The following CEP162 variants were observed in gnomAD, a reference collection of about 807,000 sequenced individuals.
CEP162 encodes the protein centrosomal protein 162.
A neutral mutation model predicts 169.2 loss-of-function variants in CEP162; 141 were observed. The ratio of observed to expected loss-of-function variants is 0.83; its 90% CI spans 0.73 to 0.96. The LOEUF is 0.96. Among genes scored for constraint, CEP162 ranks in the 40% least tolerant of loss-of-function variants. The pLI is 0.00. For missense variants in CEP162, 1,600 were observed against 1,587.2 expected, an observed-to-expected ratio of 1.01 and a Z score of -0.14; for synonymous variants, 540 against 526.4, an observed-to-expected ratio of 1.03 and a Z score of -0.35.
At chr6:84,199,940 T>C (rs2099543770) in intron 9 of CEP162, among the ~76,000 whole-genome samples, 1 of 152,178 alleles carries the variant, frequency 6.6e-6, no homozygotes, top group Admixed American at 6.5e-5. Context: ...TTTTTACCTA[T>C]GAGAGAGTTC....
At chr6:84,226,936 T>C (rs1429422700) in intron 1 of CEP162, among the ~76,000 whole-genome samples, 1 of 152,242 alleles carries the variant, frequency 6.6e-6, no homozygotes, top group Non-Finnish European at 1.5e-5. Flanking sequence ...AAGCAGACTG[T>C]ATCCAGATAC....
intron 6 of CEP162, among the ~76,000 whole-genome samples, chr6:84,209,373 CTTT>C (rs369112037): frequency 7.0e-6 from 1 of 143,444 alleles, no homozygotes; most frequent in African/African-American, 2.5e-5. Flanking sequence ...ATTATAGCTA[CTTT>C]TTTTTTTTTT....
At position 84,159,518 on chromosome 6, in the gene CEP162, ATTAT is replaced by A. The variant is rs761483265; in HGVS notation, c.2781+1290_2781+1293del. Among the ~76,000 whole-genome samples the A allele has an allele frequency of 2.1e-4, 16 of 76,212 alleles. 1 individual carries two copies. The highest frequency in any genetic ancestry group is 4.6e-4 in the Admixed American group (3 of 6,496). 50.0% of individuals were successfully genotyped at this position (76,212 alleles called of 152,430 possible). ...TATTTCTAGTTCTTTTTTAAAATTA[ATTAT>A]TTATATATATATATATATATATATA... On this transcript the variant is annotated intron_variant, in intron 21 of 26. Transcript: ENST00000403245.
At chr6:84,211,534 A>G (rs2099549485) in intron 6 of CEP162, among the ~76,000 whole-genome samples, 1 of 149,924 alleles carries the variant, frequency 6.7e-6, no homozygotes, top group Admixed American at 6.6e-5. Context: ...CTCAAAAAAA[A>G]AAAAAAAAAA....
intron 19 of CEP162, among the ~76,000 whole-genome samples, chr6:84,162,444 A>G (rs1043680742): frequency 2.0e-5 from 3 of 152,276 alleles, no homozygotes; most frequent in Admixed American, 6.5e-5. Context: ...TTCTCTGCAC[A>G]TATCTTACAC....
chr6:84,215,479 A>G lies in CEP162; in HGVS notation c.320-14T>C. On this transcript the variant is annotated splice_polypyrimidine_tract_variant and intron_variant, in intron 4 of 26. Coordinates refer to ENST00000403245, the MANE Select transcript of CEP162 (RefSeq NM_014895.4). Reference sequence around the variant, plus strand: ...AAACTACTAGTTCTAAATGGAAAGCACAAATATATTTTAGTAATATACAGA... The same window carrying G: ...AAACTACTAGTTCTAAATGGAAAGCGCAAATATATTTTAGTAATATACAGA... 6.5e-7 allele frequency: 1 copy of G among 1,534,520 alleles called. No individual in the cohort carries two copies. The highest frequency in any genetic ancestry group is 8.8e-7 in the Non-Finnish European group (1 of 1,141,560).
At position 84,226,385 on chromosome 6, in the gene CEP162, G is replaced by T; in HGVS notation, c.9C>A (p.Asn3Lys). 6.4e-7 allele frequency: 1 copy of T among 1,568,376 alleles called. No individual in the cohort carries two copies. The highest frequency in any genetic ancestry group is 8.7e-7 in the Non-Finnish European group (1 of 1,153,826). The stretch of plus-strand genomic sequence containing the variant: ...CTTCATCTAGCTCTTCTTGGGAACA[G>T]TTAGCCATAGTCAACAATTTTGACC... MA[N>K]CSQEELDEEF... The change falls in exon 2 of 27, where the codon AAC becomes AAA. Residue 3 changes from asparagine to lysine, a missense_variant. Physicochemically the swap from Asn to Lys is moderately conservative, Grantham distance 94. Transcript: ENST00000403245.
At chr6:84,146,418 A>T (rs556352147) in intron 25 of CEP162, among the ~76,000 whole-genome samples, 22 of 152,050 alleles carry the variant, frequency 1.4e-4, no homozygotes, top group African/African-American at 5.3e-4. Context: ...TGAAGAAAAC[A>T]AACAGAAAAC....
chr6:84,171,517 A>C, intron 17 of CEP162, 89 bp downstream of exon 17: 2 of 482,542 alleles, frequency 4.1e-6, no homozygotes, highest in Non-Finnish European at 7.1e-6. Flanking sequence ...TACTATGTCT[A>C]AGTAAAAATA....
At chr6:84,191,159 A>G (rs2099539720) in intron 11 of CEP162, among the ~76,000 whole-genome samples, 1 of 152,008 alleles carries the variant, frequency 6.6e-6, no homozygotes, top group Non-Finnish European at 1.5e-5. Flanking sequence ...CCTGTTCAAA[A>G]GAAAAAAAAA....
chr6:84,201,094 C>G (rs563527675), intron 8 of CEP162, among the ~76,000 whole-genome samples, 189 bp from the exon 9 acceptor site: 1 of 152,056 alleles, frequency 6.6e-6, no homozygotes, highest in South Asian at 2.1e-4. Context: ...CTGGCTAACA[C>G]GGTGAAACCC....
intron 25 of CEP162, among the ~76,000 whole-genome samples, chr6:84,127,044 C>T (rs763057546): frequency 6.6e-6 from 1 of 152,116 alleles, no homozygotes; most frequent in South Asian, 2.1e-4. Flanking sequence ...TAATGAAGTA[C>T]TGAGCCCTTT....
chr6:84,157,631 C>T (rs568397040), intron 21 of CEP162, among the ~76,000 whole-genome samples: 26 of 152,094 alleles, frequency 1.7e-4, no homozygotes, highest in Admixed American at 2.0e-4. Context: ...GCCAGGATCG[C>T]GCTCCAGCCT....
intron 2 of CEP162, among the ~76,000 whole-genome samples, chr6:84,225,191 T>A (rs548916857): frequency 6.6e-6 from 1 of 152,314 alleles, no homozygotes; most frequent in African/African-American, 2.4e-5. Flanking sequence ...TGGGGATATG[T>A]TCTGAGAAAT....
rs758105941 is a variant in CEP162, at chr6:84,174,865, C to T, written c.1887G>A (p.Ala629=). 7.0e-5 allele frequency: 112 copies of T among 1,610,174 alleles called. No homozygotes were observed. The highest frequency in any genetic ancestry group is 2.9e-4 in the African/African-American group (22 of 74,918). Residue 629 remains alanine (A), a synonymous_variant, in exon 15 of 27, where the codon GCG becomes GCA. Transcript: ENST00000403245. ...CTTTAATTTGCTCAATTAGGGCTTG[C>T]GCACCCCTCCATTTATCCTCTGCTT... The part of the protein sequence containing the change: ...VQEAEDKWRG[A]QALIEQIKAT...
At chr6:84,130,057 G>GTTTT (rs1183505420) in intron 25 of CEP162, among the ~76,000 whole-genome samples, 1 of 152,168 alleles carries the variant, frequency 6.6e-6, no homozygotes, top group Non-Finnish European at 1.5e-5. Flanking sequence ...TTTGTTGAGA[G>GTTTT]TTTTTAGCAT....
chr6:84,136,095 T>C (rs1460171902), intron 25 of CEP162, among the ~76,000 whole-genome samples: 1 of 152,142 alleles, frequency 6.6e-6, no homozygotes, highest in Non-Finnish European at 1.5e-5. Flanking sequence ...GACAAGGCCT[T>C]GATATTGTTC....
chr6:84,141,838 C>T (rs986685358), intron 25 of CEP162, among the ~76,000 whole-genome samples: 3 of 152,012 alleles, frequency 2.0e-5, no homozygotes, highest in South Asian at 2.1e-4. Flanking sequence ...ATATTTTGGG[C>T]CTCCATTACA....
intron 17 of CEP162, 77 bp downstream of exon 17, chr6:84,171,529 A>C: frequency 2.0e-6 from 1 of 507,842 alleles, no homozygotes; most frequent in Non-Finnish European, 3.3e-6. Flanking sequence ...GTAAAAATAA[A>C]TGTATTATTA....
Sources: allele counts gnomAD v4.1 joint callset (sites outside exome capture counted in the v4.1 genomes callset), GRCh38; gene constraint gnomAD v4.1.1; transcripts MANE v1.5; gene names NCBI Gene and HGNC (gene_info 2026-07-23, HGNC 2026-07-21).